SCN4A: variants seen among roughly 807,000 people sequenced by gnomAD.
The protein encoded by SCN4A is sodium channel protein type 4 subunit alpha.
In SCN4A, 83 loss-of-function variants were observed where a neutral mutation model predicts 162.0. The ratio of observed to expected loss-of-function variants is 0.51; its 90% confidence interval spans 0.43 to 0.61. The LOEUF (loss-of-function observed/expected upper bound fraction) is 0.61, where lower values mean the gene tolerates loss of function less well. Ranked by LOEUF, SCN4A falls within the 20% of genes least tolerant of loss-of-function variation. SCN4A has a pLI of 0.00. For synonymous variants in SCN4A, 944 were observed against 985.1 expected (o/e 0.96, Z 0.78); for missense variants, 2,196 against 2,462.5 (o/e 0.89, Z 2.29).
At chr17:63,971,275 GT>G in intron 4 of SCN4A, 22 bp from the exon 5 acceptor site, 2 of 1,364,508 alleles carry the variant, frequency 1.5e-6, no homozygotes, top group Non-Finnish European at 2.0e-6. Flanking sequence ...GTGGAGGGGG[GT>G]GGGGACTGTC....
At chr17:63,969,517 T>C (rs554859689) in intron 5 of SCN4A, among the ~76,000 whole-genome samples, 5 of 152,376 alleles carry the variant, frequency 3.3e-5, no homozygotes, top group Non-Finnish European at 7.3e-5. Flanking sequence ...CTTGGCTCAG[T>C]GGCCAATGTA....
In SCN4A at chr17:63,945,507, G is replaced by A; in HGVS notation, c.3573C>T (p.Asn1191=). ...LFAGKFYYCI[N]TTTSERFDIS... ...TGTCGAACCTCTCAGAGGTGGTGGT[G>A]TTGATGCAGTAGTAGAACTTGCCGG... is the stretch of plus-strand genomic sequence containing the variant. The change falls in exon 19 of 24, where the codon AAC becomes AAT. Residue 1191 remains asparagine, a synonymous_variant. Transcript: ENST00000435607. The surrounding 1 kb of genome is among the most constrained non-coding windows in gnomAD (Gnocchi z 4.4). The A allele has an allele frequency of 6.2e-7, 1 of 1,613,970 alleles. No individual in the cohort carries two copies. The highest frequency in any genetic ancestry group is 8.5e-7 in the Non-Finnish European group (1 of 1,179,874).
At chr17:63,949,356 G>T (rs373738624) in intron 15 of SCN4A, 37 bp downstream of exon 15, 5 of 1,542,958 alleles carry the variant, frequency 3.2e-6, no homozygotes, top group Admixed American at 3.9e-5. Flanking sequence ...CTGCAGGCCT[G>T]GGGGAGACAC....
Position 63,945,496 on chromosome 17 carries a change from G to C in SCN4A, c.3584C>G (p.Ser1195Cys), listed in dbSNP as rs749294662. The C allele has an allele frequency of 1.9e-6, 3 of 1,614,002 alleles. No homozygotes were observed. Among genetic ancestry groups the C allele is most frequent in the Non-Finnish European group, 2.5e-6 (3 of 1,179,884 alleles). ...KFYYCINTTT[S>C]ERFDISEVNN... The stretch of plus-strand genomic sequence containing the variant: ...GACCTCGGAGATGTCGAACCTCTCA[G>C]AGGTGGTGGTGTTGATGCAGTAGTA... Residue 1195 changes from serine (S) to cysteine (C), a missense_variant, in exon 19 of 24, where the codon TCT (serine) becomes TGT (cysteine). By Grantham distance (112) the Ser-to-Cys change is moderately radical. Transcript: ENST00000435607. The surrounding 1 kb of genome is among the most constrained non-coding windows in gnomAD (Gnocchi z 4.4).
intron 12 of SCN4A, among the ~76,000 whole-genome samples, chr17:63,957,978 C>G (rs1407705747): frequency 6.8e-6 from 1 of 147,074 alleles, no homozygotes; most frequent in African/African-American, 2.5e-5. Context: ...GCACTCCAGC[C>G]TGGGCTACAG....
Position 63,943,824 on chromosome 17 carries a change from C to T in SCN4A, c.3939G>A (p.Thr1313=), listed in dbSNP as rs769542012. Residue 1313 remains threonine (T), a synonymous_variant, in exon 22 of 24, where the codon ACG becomes ACA. Transcript: ENST00000435607. ...CGTTATAGTATTTCTTCTGTTCCTC[C>T]GTCATAAAGATGTCTTTCCCCCCTA... ...KKLGGKDIFM[T]EEQKKYYNAM... 3.4e-5 allele frequency: 55 copies of T among 1,612,656 alleles called. No individual in the cohort carries two copies. The highest frequency in any genetic ancestry group is 1.6e-4 in the Middle Eastern group (1 of 6,076).
At chr17:63,967,646 G>A (rs1909489497) in intron 6 of SCN4A, among the ~76,000 whole-genome samples, 1 of 151,958 alleles carries the variant, frequency 6.6e-6, no homozygotes. Context: ...AAGAAGTGGA[G>A]ACAGGGCGGG....
In SCN4A at chr17:63,951,546, G is replaced by A. The variant is rs752200039; in HGVS notation, c.2731C>T (p.His911Tyr). Residue 911 changes from histidine (H) to tyrosine (Y), a missense_variant, in exon 14 of 24, where the codon CAC becomes TAC. By Grantham distance (83) the His-to-Tyr change is moderately conservative (BLOSUM62 2). Transcript: ENST00000435607. The surrounding 1 kb of genome is among the most constrained non-coding windows in gnomAD (Gnocchi z 4.5). ...DGPPSSLELD[H>Y]LNFINNPYLT... is the part of the protein sequence containing the mutation. ...TAGGGGTTGTTGATGAAGTTAAGGT[G>A]GTCCAGCTCGAGGCTGGATGGGGGG... 13 of 1,613,884 alleles carry A rather than the reference G, an allele frequency of 8.1e-6. No individual in the cohort carries two copies. Among genetic ancestry groups the A allele is most frequent in the Admixed American group, 3.3e-5 (2 of 60,006 alleles).
chr17:63,964,785 C>G, intron 8 of SCN4A, 108 bp from the exon 9 acceptor site: 1 of 807,652 alleles, frequency 1.2e-6, no homozygotes, highest in Non-Finnish European at 2.0e-6. Flanking sequence ...AGAGCCCCTC[C>G]CTCACAGAGC....
At chr17:63,956,431 A>G (rs1909073403) in intron 13 of SCN4A, among the ~76,000 whole-genome samples, 2 of 152,058 alleles carry the variant, frequency 1.3e-5, no homozygotes, top group Non-Finnish European at 2.9e-5. Context: ...CATTTTTTGT[A>G]GAGATAAGAG....
chr17:63,940,897 C>T lies in SCN4A; in HGVS notation c.5385G>A (p.Lys1795=). The T allele has an allele frequency of 6.2e-7, 1 of 1,613,944 alleles. No homozygotes were observed. Among genetic ancestry groups the T allele is most frequent in the Middle Eastern group, 1.6e-4 (1 of 6,062 alleles). Residue 1795 remains lysine (K), a synonymous_variant, in exon 24 of 24, where the codon AAG becomes AAA. Transcript: ENST00000435607. ...GNSSSPSPEE[K]GEAGDAGPTM... is the part of the protein sequence containing the mutation. The stretch of plus-strand genomic sequence containing the variant: ...TGGGTCCGGCGTCCCCTGCCTCGCC[C>T]TTCTCCTCCGGGCTTGGCGAGCTGC...
chr17:63,949,575 C>T (rs1269226247), intron 14 of SCN4A, 47 bp from the exon 15 acceptor site: 20 of 1,546,276 alleles, frequency 1.3e-5, no homozygotes, highest in Middle Eastern at 1.7e-4. Flanking sequence ...CTGAGAGACC[C>T]CCTCATCCTC....
Position 63,941,268 on chromosome 17 carries a change from C to T in SCN4A, c.5014G>A (p.Asp1672Asn). The T allele has an allele frequency of 6.2e-7, 1 of 1,613,874 alleles. No individual in the cohort carries two copies. Among genetic ancestry groups the T allele is most frequent in the Non-Finnish European group, 8.5e-7 (1 of 1,179,858 alleles). The change falls in exon 24 of 24, where the codon GAC (aspartate) becomes AAC (asparagine). Residue 1672 changes from aspartate to asparagine, a missense_variant. By Grantham distance (23) the Asp-to-Asn change is conservative (BLOSUM62 1). Coordinates refer to ENST00000435607, the MANE Select transcript of SCN4A (RefSeq NM_000334.4). The surrounding 1 kb of genome is among the most constrained non-coding windows in gnomAD (Gnocchi z 6.2). Reference sequence around the variant, plus strand: ...AGGATGTCCAGGCAGTGGATCTTGTCCCCTGGCACCATGGGCAAGTCCAGT... The same window carrying T: ...AGGATGTCCAGGCAGTGGATCTTGTTCCCTGGCACCATGGGCAAGTCCAGT... ...ITLDLPMVPG[D>N]KIHCLDILFA...
intron 18 of SCN4A, among the ~76,000 whole-genome samples, 176 bp downstream of exon 18, chr17:63,946,869 C>T (rs555284645): frequency 3.8e-4 from 58 of 151,902 alleles, no homozygotes; most frequent in African/African-American, 1.3e-3. Flanking sequence ...AGATGGCCTG[C>T]GGGGAGGACA....
chr17:63,955,196 G>T (rs1310649197), intron 13 of SCN4A, among the ~76,000 whole-genome samples: 4 of 152,150 alleles, frequency 2.6e-5, no homozygotes, highest in African/African-American at 9.7e-5. Flanking sequence ...GTGTGGTTCT[G>T]GGCAGTGCCT....
intron 11 of SCN4A, 57 bp from the exon 12 acceptor site, chr17:63,959,495 G>A (rs976740190): frequency 6.5e-7 from 1 of 1,540,194 alleles, no homozygotes; most frequent in Non-Finnish European, 8.9e-7. Context: ...GGCCCTGGAA[G>A]TCTCCCACCC....
At chr17:63,943,433 G>A (rs1908611583) in intron 22 of SCN4A, among the ~76,000 whole-genome samples, 1 of 152,096 alleles carries the variant, frequency 6.6e-6, no homozygotes, top group Non-Finnish European at 1.5e-5. Flanking sequence ...TCCACTTGTG[G>A]GAGCCCTTGC....
At chr17:63,946,024 C>T (rs1598406942) in intron 18 of SCN4A, among the ~76,000 whole-genome samples, 1 of 152,190 alleles carries the variant, frequency 6.6e-6, no homozygotes, top group South Asian at 2.1e-4. Flanking sequence ...GCCCCAGACA[C>T]AGGCACAGAA....
At chr17:63,963,594 G>T in intron 10 of SCN4A, 78 bp downstream of exon 10, 2 of 1,416,984 alleles carry the variant, frequency 1.4e-6, no homozygotes, top group South Asian at 3.1e-5. Context: ...CACCTTCCAT[G>T]GCATCCCTAT....
Sources: allele counts gnomAD v4.1 joint callset (sites outside exome capture counted in the v4.1 genomes callset), GRCh38; gene constraint gnomAD v4.1.1; non-coding constraint Gnocchi (gnomAD v3.1); transcripts MANE v1.5; gene names NCBI Gene and HGNC (gene_info 2026-07-23, HGNC 2026-07-21).